LOC128462377: variants seen among roughly 807,000 people sequenced by gnomAD.
At chr16:89,406,356 T>C in the LOC128462377 span, among the ~76,000 whole-genome samples, 4 of 151,980 alleles carry the variant, frequency 2.6e-5, no homozygotes, top group African/African-American at 7.3e-5. Context: ...AACCCACACC[T>C]GGGCCTCGGC....
chr16:89,348,816 T>G, the LOC128462377 span, among the ~76,000 whole-genome samples: 1 of 151,708 alleles, frequency 6.6e-6, no homozygotes, highest in Non-Finnish European at 1.5e-5. Flanking sequence ...ACTAAAAATT[T>G]GTTGCTTCTT....
chr16:89,377,095 T>C, the LOC128462377 span, among the ~76,000 whole-genome samples: 4 of 152,208 alleles, frequency 2.6e-5, no homozygotes, highest in Admixed American at 1.3e-4. Flanking sequence ...AATGTTCTTT[T>C]GACAATGAAC....
chr16:89,354,958 G>C, the LOC128462377 span, among the ~76,000 whole-genome samples: 1 of 152,198 alleles, frequency 6.6e-6, no homozygotes, highest in African/African-American at 2.4e-5. Flanking sequence ...GCCCCCAAAG[G>C]AGTGAGGGCA....
At chr16:89,323,786 C>A in the LOC128462377 span, 1 of 252,280 alleles carries the variant, frequency 4.0e-6, no homozygotes, top group South Asian at 4.3e-5. Flanking sequence ...GCTCTCTCTC[C>A]TTCCCCTCCT....
chr16:89,413,743 C>A, the LOC128462377 span, among the ~76,000 whole-genome samples: 1 of 152,210 alleles, frequency 6.6e-6, no homozygotes, highest in Non-Finnish European at 1.5e-5. Context: ...GAGCATTCTA[C>A]GGCAGGACAC....
the LOC128462377 span, among the ~76,000 whole-genome samples, chr16:89,401,326 C>T: frequency 2.6e-5 from 4 of 152,112 alleles, no homozygotes; most frequent in South Asian, 2.1e-4. Flanking sequence ...ATCCACCCAC[C>T]TTGGCCTCCC....
chr16:89,350,852 A>G, the LOC128462377 span, among the ~76,000 whole-genome samples: 9 of 152,306 alleles, frequency 5.9e-5, no homozygotes, highest in South Asian at 1.2e-3. Context: ...TAAGATGCTA[A>G]TGGAGTGGAA....
At chr16:89,348,998 C>T in the LOC128462377 span, among the ~76,000 whole-genome samples, 2 of 150,940 alleles carry the variant, frequency 1.3e-5, no homozygotes, top group African/African-American at 2.4e-5. Context: ...AGTAGTAGAG[C>T]GCACTTGTAA....
the LOC128462377 span, among the ~76,000 whole-genome samples, chr16:89,344,569 C>G: frequency 6.6e-6 from 1 of 152,246 alleles, no homozygotes; most frequent in African/African-American, 2.4e-5. Flanking sequence ...TGAACGCTGC[C>G]TCAGCGTCTG....
At chr16:89,408,358 G>C in the LOC128462377 span, among the ~76,000 whole-genome samples, 4 of 152,368 alleles carry the variant, frequency 2.6e-5, no homozygotes, top group Non-Finnish European at 5.9e-5. Context: ...AAAACCACCA[G>C]GTTTGATGCA....
the LOC128462377 span, among the ~76,000 whole-genome samples, chr16:89,361,272 C>T: frequency 2.6e-5 from 4 of 152,238 alleles, no homozygotes; most frequent in Non-Finnish European, 4.4e-5. Flanking sequence ...CAGCAGGAAA[C>T]GGGGTGACAC....
chr16:89,331,561 C>T, the LOC128462377 span, among the ~76,000 whole-genome samples: 1 of 152,186 alleles, frequency 6.6e-6, no homozygotes, highest in South Asian at 2.1e-4. Flanking sequence ...CCTTTTGATA[C>T]CGCTGGGTGT....
the LOC128462377 span, among the ~76,000 whole-genome samples, chr16:89,367,001 G>T: frequency 4.6e-5 from 7 of 152,322 alleles, no homozygotes; most frequent in African/African-American, 1.7e-4. Context: ...GCCAGCCCCT[G>T]GCCTGGAGCT....
the LOC128462377 span, among the ~76,000 whole-genome samples, chr16:89,400,922 C>T: frequency 2.0e-5 from 3 of 152,296 alleles, no homozygotes; most frequent in South Asian, 4.1e-4. Flanking sequence ...CACCCTCTCA[C>T]AGGCTCCACC....
chr16:89,404,943 G>C, the LOC128462377 span, among the ~76,000 whole-genome samples: 1 of 152,228 alleles, frequency 6.6e-6, no homozygotes, highest in Non-Finnish European at 1.5e-5. Context: ...CGTGTCCACA[G>C]ACCACCATAA....
At chr16:89,367,837 GTC>G in the LOC128462377 span, among the ~76,000 whole-genome samples, 2 of 152,056 alleles carry the variant, frequency 1.3e-5, no homozygotes, top group African/African-American at 4.8e-5. Flanking sequence ...GCGAAACCCT[GTC>G]TCTACAAAAA....
chr16:89,369,496 A>C, the LOC128462377 span, among the ~76,000 whole-genome samples: 1 of 152,264 alleles, frequency 6.6e-6, no homozygotes, highest in Non-Finnish European at 1.5e-5. Flanking sequence ...GCTCTGCCGT[A>C]TCAGACACAA....
At chr16:89,346,101 T>C in the LOC128462377 span, among the ~76,000 whole-genome samples, 30 of 150,986 alleles carry the variant, frequency 2.0e-4, no homozygotes, top group Non-Finnish European at 3.8e-4. Flanking sequence ...AAAAAAAAAT[T>C]AGCCGGGCGT....
chr16:89,328,252 G>A, the LOC128462377 span, among the ~76,000 whole-genome samples: 3 of 152,220 alleles, frequency 2.0e-5, no homozygotes, highest in Admixed American at 6.5e-5. Context: ...CTGTGGGAAC[G>A]CAAAGTGGTG....
Sources: gnomAD v4.1 joint callset for allele counts (sites outside exome capture counted in the v4.1 genomes callset) on GRCh38, gnomAD v4.1.1 for gene constraint, MANE v1.5 for transcripts.